The following TPTE2 variants were observed in gnomAD, a reference collection of about 807,000 sequenced individuals.
The protein encoded by TPTE2 is phosphatidylinositol 3,4,5-trisphosphate 3-phosphatase TPTE2.
A neutral mutation model predicts 78.6 loss-of-function variants in TPTE2; 53 were observed. That is an observed-to-expected ratio of 0.67 (90% CI 0.54 to 0.85). The LOEUF (loss-of-function observed/expected upper bound fraction) is 0.85, where lower values mean the gene tolerates loss of function less well. Ranked by LOEUF, TPTE2 falls within the 40% of genes least tolerant of loss-of-function variation. The probability of loss-of-function intolerance (pLI) is 0.00; values close to 1 mark genes in which losing one functional copy is unlikely to be tolerated. For missense variants in TPTE2, 461 were observed against 623.0 expected, an observed-to-expected ratio of 0.74 and a Z score of 2.77; for synonymous variants, 175 against 206.2, an observed-to-expected ratio of 0.85 and a Z score of 1.30.
rs2492399 is a variant in TPTE2 at position 19,437,856 on chromosome 13, T to G, written c.1035+236A>C. ...TATAATTTTTAGCATTCCCTTAAAT[T>G]TTGCACCTCATTGACCTCACTCTAG... On this transcript the variant is annotated intron_variant, in intron 14 of 19. Coordinates refer to ENST00000400230, the Ensembl canonical transcript of TPTE2. Among the ~76,000 whole-genome samples the G allele has an allele frequency of 3.5e-3, 526 of 152,186 alleles. 4 individuals are homozygous for G. The highest frequency in any genetic ancestry group is 0.012 in the African/African-American group (482 of 41,526).
rs55904352 is a variant in TPTE2, at chr13:19,427,079, C to CTTTTTTTTT, written c.1303-571_1303-563dup. Among the ~76,000 whole-genome samples the CTTTTTTTTT allele has an allele frequency of 8.9e-4, 60 of 67,292 alleles. 1 individual carries two copies. Among genetic ancestry groups the CTTTTTTTTT allele is most frequent in the Non-Finnish European group, 1.1e-3 (40 of 37,816 alleles). 44.1% of individuals were successfully genotyped at this position (67,292 alleles called of 152,430 possible). A position where few individuals can be genotyped will look rare whatever the true frequency, so the allele number is the denominator to read the frequency against. On this transcript the variant is annotated intron_variant, in intron 17 of 19. Transcript: ENST00000400230. ...CTTTTCTTTTTTTTTCTTTTCTTTT[C>CTTTTTTTTT]TTTTTTTTTTTTTTTTTTTTTTTGA... is the stretch of plus-strand genomic sequence containing the variant.
At chr13:19,476,924 C>A (rs1041635534) in intron 4 of TPTE2, among the ~76,000 whole-genome samples, 1 of 152,106 alleles carries the variant, frequency 6.6e-6, no homozygotes, top group Admixed American at 6.5e-5. Context: ...ATGTTCACTG[C>A]AGCACTATTT....
At chr13:19,427,945 T>C (rs1449371591) in intron 17 of TPTE2, among the ~76,000 whole-genome samples, 3 of 152,206 alleles carry the variant, frequency 2.0e-5, no homozygotes, top group Admixed American at 1.3e-4. Flanking sequence ...AATAGTAGAA[T>C]GGTACATAAC....
intron 10 of TPTE2, chr13:19,458,563 A>C (rs1307675696): frequency 2.4e-6 from 1 of 408,672 alleles, no homozygotes; most frequent in Non-Finnish European, 5.0e-6. Context: ...TGTTCTTATC[A>C]GTCTCTGTGT....
At chr13:19,480,385 A>G (rs1880272953) in intron 4 of TPTE2, among the ~76,000 whole-genome samples, 1 of 152,222 alleles carries the variant, frequency 6.6e-6, no homozygotes, top group African/African-American at 2.4e-5. Context: ...CCTTAAGACA[A>G]AGTAAATTCA....
intron 15 of TPTE2, among the ~76,000 whole-genome samples, chr13:19,432,805 A>G (rs1320407505): frequency 6.6e-6 from 1 of 151,816 alleles, no homozygotes; most frequent in Admixed American, 6.6e-5. Flanking sequence ...ACAAGGATGG[A>G]GCCAGGCCCT....
chr13:19,499,124 T>G (rs1238851118), intron 1 of TPTE2, among the ~76,000 whole-genome samples: 1 of 152,116 alleles, frequency 6.6e-6, no homozygotes, highest in Non-Finnish European at 1.5e-5. Flanking sequence ...ATGCACCCAA[T>G]ACAGGAGCAC....
intron 1 of TPTE2, among the ~76,000 whole-genome samples, chr13:19,514,509 T>C (rs1486762602): frequency 1.3e-5 from 2 of 151,494 alleles, no homozygotes; most frequent in African/African-American, 4.9e-5. Context: ...TCAACAGTAT[T>C]TCAGGACACA....
At chr13:19,447,819 C>CT (rs144895774) in intron 13 of TPTE2, among the ~76,000 whole-genome samples, 1 of 152,060 alleles carries the variant, frequency 6.6e-6, no homozygotes, top group African/African-American at 2.4e-5. Flanking sequence ...TTACAAATGG[C>CT]TTTTTTTCCC....
upstream of TPTE2, among the ~76,000 whole-genome samples, chr13:19,539,026 T>C (rs184063590): frequency 3.9e-5 from 6 of 152,288 alleles, no homozygotes; most frequent in East Asian, 1.2e-3. Flanking sequence ...TGGCTGAGCA[T>C]GCTCAGGTGC....
At chr13:19,523,538 C>T (rs1048529641) in intron 1 of TPTE2, among the ~76,000 whole-genome samples, 11 of 151,932 alleles carry the variant, frequency 7.2e-5, no homozygotes, top group African/African-American at 2.2e-4. Flanking sequence ...TGCAGTGGTG[C>T]GATCTTGGCT....
chr13:19,466,706 T>C (rs1366508755), intron 7 of TPTE2, among the ~76,000 whole-genome samples: 1 of 152,250 alleles, frequency 6.6e-6, no homozygotes, highest in Non-Finnish European at 1.5e-5. Context: ...TAGAAACTCA[T>C]GATTGAAATC....
At chr13:19,431,019 T>TG (rs1192180821) in intron 16 of TPTE2, among the ~76,000 whole-genome samples, 2 of 150,670 alleles carry the variant, frequency 1.3e-5, no homozygotes, top group Non-Finnish European at 3.0e-5. Context: ...CCTAGCTACT[T>TG]GGGAGGCTGA....
chr13:19,512,120 T>C (rs1365333044), intron 1 of TPTE2, among the ~76,000 whole-genome samples: 2 of 152,190 alleles, frequency 1.3e-5, no homozygotes, highest in Non-Finnish European at 2.9e-5. Flanking sequence ...TAATATTCAA[T>C]AGAGGAGTTA....
At chr13:19,547,720 C>CATACATATATAT in the TPTE2 span, among the ~76,000 whole-genome samples, 452 of 118,858 alleles carry the variant, frequency 3.8e-3, 10 homozygotes, top group African/African-American at 0.012. Context: ...AATAAATATA[C>CATACATATATAT]ATATATATAT....
At chr13:19,497,739 G>A (rs955703372) in intron 1 of TPTE2, among the ~76,000 whole-genome samples, 1 of 151,642 alleles carries the variant, frequency 6.6e-6, no homozygotes, top group African/African-American at 2.4e-5. Flanking sequence ...AGAAAGCAGA[G>A]CGCCTCTCCT....
At chr13:19,453,497 C>T (rs1878327099) in intron 10 of TPTE2, among the ~76,000 whole-genome samples, 1 of 147,998 alleles carries the variant, frequency 6.8e-6, no homozygotes, top group Admixed American at 6.8e-5. Flanking sequence ...TCCTAGTTCT[C>T]TCAATGCCTA....
At chr13:19,498,479 G>C (rs1396150684) in intron 1 of TPTE2, among the ~76,000 whole-genome samples, 1 of 152,112 alleles carries the variant, frequency 6.6e-6, no homozygotes, top group Non-Finnish European at 1.5e-5. Flanking sequence ...CCAGAAGAGA[G>C]TGGGGGCCAA....
intron 18 of TPTE2, chr13:19,425,825 C>G (rs1409855850): frequency 1.9e-6 from 1 of 516,820 alleles, no homozygotes; most frequent in Admixed American, 1.9e-5. Context: ...GTGTGCTGCC[C>G]TCTTCTCTCT....
Sources: allele counts gnomAD v4.1 joint callset (sites outside exome capture counted in the v4.1 genomes callset), GRCh38; gene constraint gnomAD v4.1.1; transcripts MANE v1.5; gene names NCBI Gene and HGNC (gene_info 2026-07-23, HGNC 2026-07-21).